Variants in CNGB1 observed in about 807,000 individuals in gnomAD.
The protein encoded by CNGB1 is cyclic nucleotide gated channel subunit beta 1.
A neutral mutation model predicts 151.7 loss-of-function variants in CNGB1; 126 were observed. The observed-to-expected ratio is 0.83, with a 90% CI of 0.72 to 0.96. The LOEUF (loss-of-function observed/expected upper bound fraction) is 0.96. Ranked by LOEUF, CNGB1 falls within the 40% of genes least tolerant of loss-of-function variation. The pLI, the probability that CNGB1 is intolerant of heterozygous loss-of-function variation, is 0.00. For synonymous variants in CNGB1, 623 were observed against 635.1 expected (o/e 0.98, Z 0.29); for missense variants, 1,698 against 1,627.0 (o/e 1.04, Z -0.75).
intron 17 of CNGB1, among the ~76,000 whole-genome samples, chr16:57,928,588 G>T (rs1434457606): frequency 6.6e-6 from 1 of 152,174 alleles, no homozygotes; most frequent in African/African-American, 2.4e-5. Flanking sequence ...TGGTGGGATT[G>T]TAGATGATTA....
rs1202208887 is a variant in CNGB1, at chr16:57,940,221, G to A, written c.1209+13C>T. On this transcript the variant is annotated intron_variant, in intron 15 of 32. Transcript: ENST00000251102. Reference sequence around the variant, plus strand: ...CAGGCCTCAGAGGTGCCAGTGCCTGGTGCTTCTCATACCTGATCTGAAGTG... The same window carrying A: ...CAGGCCTCAGAGGTGCCAGTGCCTGATGCTTCTCATACCTGATCTGAAGTG... The A allele has an allele frequency of 1.3e-6, 2 of 1,558,840 alleles. No homozygotes were observed. The highest frequency in any genetic ancestry group is 1.4e-5 in the African/African-American group (1 of 73,942).
intron 25 of CNGB1, among the ~76,000 whole-genome samples, chr16:57,908,083 G>T (rs1355936359): frequency 2.0e-5 from 3 of 152,064 alleles, no homozygotes; most frequent in African/African-American, 7.3e-5. Context: ...TAGAGAGGGG[G>T]TCTCCCCATA....
chr16:57,960,208 A>C, intron 9 of CNGB1, 143 bp from the exon 10 acceptor site: 2 of 1,446,270 alleles, frequency 1.4e-6, no homozygotes, highest in Non-Finnish European at 9.2e-7. Context: ...CCCAATCCTC[A>C]AACAGACCAG....
At position 57,883,423 on chromosome 16, in the gene CNGB1, C is replaced by T. The variant is rs1261401329; in HGVS notation, c.*741G>A. 3 of 152,240 alleles carry T rather than the reference C, an allele frequency of 2.0e-5. No individual in the cohort carries two copies. The highest frequency in any genetic ancestry group is 7.2e-5 in the African/African-American group (3 of 41,408). 9.4% of individuals were successfully genotyped at this position (152,240 alleles called of 1,614,324 possible). On this transcript the variant is annotated 3_prime_UTR_variant, in exon 33 of 33. Coordinates refer to ENST00000251102, the MANE Select transcript of CNGB1 (RefSeq NM_001297.5). ...AAACTGCTGGGATTGCAGATGTGAA[C>T]CACTGTGCAGGGCTATCTTTTAGTT...
intron 25 of CNGB1, among the ~76,000 whole-genome samples, chr16:57,910,593 C>T (rs182380140): frequency 6.6e-6 from 1 of 151,524 alleles, no homozygotes; most frequent in Non-Finnish European, 1.5e-5. Context: ...AGGCTGGTCT[C>T]GAACTCCTGA....
intron 11 of CNGB1, 51 bp downstream of exon 11, chr16:57,958,359 A>T: frequency 1.6e-6 from 2 of 1,213,390 alleles, no homozygotes; most frequent in Non-Finnish European, 2.2e-6. Flanking sequence ...CAAGTTCCCA[A>T]GACCCCTCCC....
intron 20 of CNGB1, 116 bp downstream of exon 20, chr16:57,918,982 AG>A (rs1200091117): frequency 1.3e-6 from 2 of 1,552,616 alleles, no homozygotes; most frequent in Non-Finnish European, 8.7e-7. Flanking sequence ...TCATGAACCC[AG>A]GTTGTCTGTG....
intron 29 of CNGB1, among the ~76,000 whole-genome samples, chr16:57,899,162 G>C (rs17240973): frequency 6.6e-6 from 1 of 152,136 alleles, no homozygotes; most frequent in African/African-American, 2.4e-5. Context: ...TTAATCCCAA[G>C]TTAAACCGAA....
intron 7 of CNGB1, among the ~76,000 whole-genome samples, chr16:57,961,133 C>T (rs777782330): frequency 6.6e-6 from 1 of 151,978 alleles, no homozygotes; most frequent in African/African-American, 2.4e-5. Flanking sequence ...GCTCTGGAAC[C>T]ACAGCCATGG....
At chr16:57,919,020 CT>C in intron 20 of CNGB1, 78 bp downstream of exon 20, 3 of 1,605,008 alleles carry the variant, frequency 1.9e-6, no homozygotes, top group South Asian at 2.2e-5. Context: ...CTTGAATCCC[CT>C]GACCCTCTCC....
chr16:57,956,837 G>A (rs112939871), intron 12 of CNGB1, among the ~76,000 whole-genome samples: 2,580 of 152,248 alleles, frequency 0.017, 77 homozygotes, highest in African/African-American at 0.059. Flanking sequence ...CTCTGTCCCC[G>A]ATTCCTGGCT....
chr16:57,913,175 G>A (rs1960779379), intron 23 of CNGB1, among the ~76,000 whole-genome samples, 181 bp from the exon 24 acceptor site: 1 of 152,170 alleles, frequency 6.6e-6, no homozygotes, highest in African/African-American at 2.4e-5. Context: ...CTCCATTTAG[G>A]AATCTGAAGA....
rs1445524810 is a variant in CNGB1 at position 57,911,848 on chromosome 16, G to A, written c.2397C>T (p.Leu799=). ...GACAGGAATTCAAATGCAGGCTGTA[G>A]AGAAGGTAGGCTGTGGTCCTGATGA... The part of the protein sequence containing the change: ...YRVIRTTAYL[L]YSLHLNSCLY... The change falls in exon 25 of 33, where the codon CTC becomes CTT. Residue 799 remains leucine, a synonymous_variant. Coordinates refer to ENST00000251102, the MANE Select transcript of CNGB1 (RefSeq NM_001297.5). 1 of 1,613,954 alleles carries A rather than the reference G, an allele frequency of 6.2e-7. No individual in the cohort carries two copies. Among genetic ancestry groups the A allele is most frequent in the Non-Finnish European group, 8.5e-7 (1 of 1,179,898 alleles).
At chr16:57,942,870 A>G (rs140476710) in intron 14 of CNGB1, among the ~76,000 whole-genome samples, 3,442 of 152,072 alleles carry the variant, frequency 0.023, 60 homozygotes, top group Middle Eastern at 0.044. Flanking sequence ...CTCAAAAAAA[A>G]AAAAAAACCC....
At chr16:57,910,313 C>T (rs418138) in intron 25 of CNGB1, among the ~76,000 whole-genome samples, 87,917 of 151,740 alleles carry the variant, frequency 0.58, 26,096 homozygotes, top group African/African-American at 0.73. Context: ...TATCATAACC[C>T]AGACATTTCT....
Position 57,919,166 on chromosome 16 carries a change from G to C in CNGB1, c.1890C>G (p.Leu630=), listed in dbSNP as rs1567377372. ...PVEEEHYCDM[L]CCKFKHRPWK... ...AGGGGCGGTGTTTGAACTTGCAGCA[G>C]AGCATGTCGCAATAGTGCTCCTCTT... is the stretch of plus-strand genomic sequence containing the variant. Residue 630 remains leucine (L), a synonymous_variant, in exon 20 of 33, where the codon CTC becomes CTG. Coordinates refer to ENST00000251102, the MANE Select transcript of CNGB1 (RefSeq NM_001297.5). The C allele has an allele frequency of 6.2e-7, 1 of 1,614,218 alleles. No homozygotes were observed. Among genetic ancestry groups the C allele is most frequent in the South Asian group, 1.1e-5 (1 of 91,084 alleles).
At chr16:57,888,121 A>T (rs1567361287) in intron 31 of CNGB1, 47 bp from the exon 32 acceptor site, 1 of 1,582,636 alleles carries the variant, frequency 6.3e-7, no homozygotes, top group East Asian at 2.2e-5. Flanking sequence ...ACTCTGGGGG[A>T]AAAGAAAGAC....
At chr16:57,901,088 T>C (rs1030881236) in intron 29 of CNGB1, among the ~76,000 whole-genome samples, 1 of 152,104 alleles carries the variant, frequency 6.6e-6, no homozygotes, top group African/African-American at 2.4e-5. Context: ...CTGGCCCCCA[T>C]GGTCCTGTGT....
At chr16:57,905,023 T>C (rs1426366193) in intron 25 of CNGB1, 148 bp from the exon 26 acceptor site, 2 of 971,488 alleles carry the variant, frequency 2.1e-6, no homozygotes, top group East Asian at 2.5e-5. Context: ...AACCACCTCC[T>C]GCACGTGTAG....
Sources: allele counts gnomAD v4.1 joint callset (sites outside exome capture counted in the v4.1 genomes callset), GRCh38; gene constraint gnomAD v4.1.1; transcripts MANE v1.5; gene names NCBI Gene and HGNC (gene_info 2026-07-23, HGNC 2026-07-21).